Variants in NCK2 observed in about 807,000 individuals in gnomAD.
NCK2 encodes the protein cytoplasmic protein NCK2.
A neutral mutation model predicts 33.9 loss-of-function variants in NCK2; 16 were observed. The ratio of observed to expected loss-of-function variants is 0.47; its 90% CI spans 0.32 to 0.72. The LOEUF (loss-of-function observed/expected upper bound fraction) is 0.72, where lower values mean the gene tolerates loss of function less well. Among genes scored for constraint, NCK2 ranks in the 30% least tolerant of loss-of-function variants. The pLI is 0.03. For synonymous variants in NCK2, 273 were observed against 239.9 expected (o/e 1.14, Z -1.27); for missense variants, 418 against 537.3 (o/e 0.78, Z 2.19).
At chr2:105,812,590 G>A (rs1212562623) in intron 1 of NCK2, among the ~76,000 whole-genome samples, 2 of 152,184 alleles carry the variant, frequency 1.3e-5, no homozygotes, top group African/African-American at 4.8e-5. Flanking sequence ...AGGGAGGAGG[G>A]AAGGGTAAGA....
intron 1 of NCK2, among the ~76,000 whole-genome samples, chr2:105,789,121 C>T (rs1690783544): frequency 6.6e-6 from 1 of 152,176 alleles, no homozygotes; most frequent in Non-Finnish European, 1.5e-5. Context: ...GGGCCTGGGA[C>T]CCTCGGCTCC....
chr2:105,777,061 T>C (rs1243350066), intron 1 of NCK2, among the ~76,000 whole-genome samples: 1 of 151,820 alleles, frequency 6.6e-6, no homozygotes, highest in Non-Finnish European at 1.5e-5. Flanking sequence ...AAGGGCAAAA[T>C]GAGGCCTTGA....
intron 1 of NCK2, among the ~76,000 whole-genome samples, chr2:105,794,731 G>T (rs549858027): frequency 6.6e-6 from 1 of 151,600 alleles, no homozygotes; most frequent in Non-Finnish European, 1.5e-5. Flanking sequence ...TTATTTTTGA[G>T]ACGGAGTCTT....
intron 1 of NCK2, among the ~76,000 whole-genome samples, chr2:105,767,300 G>A (rs1162646829): frequency 1.3e-5 from 2 of 152,206 alleles, no homozygotes; most frequent in Non-Finnish European, 1.5e-5. Flanking sequence ...TTGGATGTCT[G>A]ATATGAGCTT....
intron 2 of NCK2, among the ~76,000 whole-genome samples, chr2:105,840,234 T>C (rs80346085): frequency 0.017 from 2,641 of 152,184 alleles, 40 homozygotes; most frequent in Non-Finnish European, 0.021. Context: ...GGAATAATTA[T>C]AGGAGCAGGT....
chr2:105,872,587 G>A (rs1678061139), intron 3 of NCK2, among the ~76,000 whole-genome samples: 2 of 152,176 alleles, frequency 1.3e-5, no homozygotes, highest in African/African-American at 4.8e-5. Context: ...AGGCTGGGTA[G>A]GTTCTTCACA....
chr2:105,759,890 G>A (rs964458264), intron 1 of NCK2, among the ~76,000 whole-genome samples: 14 of 152,018 alleles, frequency 9.2e-5, no homozygotes, highest in Non-Finnish European at 1.5e-4. Flanking sequence ...TAGAGTTACC[G>A]GTTTGGGGAG....
At chr2:105,835,405 A>ATATATATATATATATATATATATGTG (rs70953537) in intron 2 of NCK2, among the ~76,000 whole-genome samples, 2 of 37,972 alleles carry the variant, frequency 5.3e-5, no homozygotes, top group Non-Finnish European at 6.8e-5. Flanking sequence ...ATATATATAT[A>ATATATATATATATATATATATATGTG]CGTGTATATA....
chr2:105,817,412 A>C (rs567235934), intron 2 of NCK2, among the ~76,000 whole-genome samples: 9 of 152,318 alleles, frequency 5.9e-5, no homozygotes, highest in Admixed American at 2.0e-4. Flanking sequence ...TTAACTTAAA[A>C]TATGAATTGC....
chr2:105,751,494 C>T (rs542303263), intron 1 of NCK2, among the ~76,000 whole-genome samples: 48 of 152,318 alleles, frequency 3.2e-4, no homozygotes, highest in South Asian at 6.2e-4. Context: ...TGGGCTTGCA[C>T]GACTGGGCTG....
In NCK2 at chr2:105,879,678, A is replaced by G. The variant is rs147241788; in HGVS notation, c.227-1650A>G. ...ACATGCCTCCTGGCGCCGCGTGGGC[A>G]CATGTCCCAGGGTAGTGGCAGTGGG... is the stretch of plus-strand genomic sequence containing the variant. On this transcript the variant is annotated intron_variant, in intron 3 of 4. Transcript: ENST00000233154. 3.0e-3 allele frequency among the ~76,000 whole-genome samples: 456 copies of G among 152,350 alleles called. 1 individual carries two copies. The highest frequency in any genetic ancestry group is 9.9e-3 in the African/African-American group (412 of 41,588).
intron 1 of NCK2, among the ~76,000 whole-genome samples, chr2:105,794,836 G>A (rs779907949): frequency 1.3e-5 from 2 of 151,880 alleles, no homozygotes; most frequent in Admixed American, 6.6e-5. Context: ...TCAGCCTCCC[G>A]AATAGTTTAT....
intron 2 of NCK2, among the ~76,000 whole-genome samples, chr2:105,829,487 A>C (rs1339441266): frequency 6.6e-6 from 1 of 152,200 alleles, no homozygotes; most frequent in Non-Finnish European, 1.5e-5. Flanking sequence ...CCAGGATTCC[A>C]TCCAAGATGC....
At chr2:105,793,887 GT>G (rs1690981039) in intron 1 of NCK2, among the ~76,000 whole-genome samples, 1 of 152,284 alleles carries the variant, frequency 6.6e-6, no homozygotes, top group Admixed American at 6.5e-5. Context: ...GACCACTACT[GT>G]TTATGGGTTG....
At chr2:105,797,361 T>C (rs1259269321) in intron 1 of NCK2, among the ~76,000 whole-genome samples, 1 of 152,164 alleles carries the variant, frequency 6.6e-6, no homozygotes, top group Admixed American at 6.5e-5. Context: ...AACTCACAGT[T>C]CTAGGACCGG....
intron 3 of NCK2, among the ~76,000 whole-genome samples, chr2:105,860,071 G>A (rs762086724): frequency 1.3e-5 from 2 of 152,142 alleles, no homozygotes; most frequent in Non-Finnish European, 2.9e-5. Flanking sequence ...GATCAGTTGA[G>A]GCCACGAATT....
intron 1 of NCK2, among the ~76,000 whole-genome samples, chr2:105,812,582 G>A (rs760757698): frequency 7.2e-5 from 11 of 152,202 alleles, no homozygotes; most frequent in Non-Finnish European, 1.5e-4. Context: ...GGTCAGGGAG[G>A]GAGGAGGGAA....
At chr2:105,819,012 C>T (rs940616296) in intron 2 of NCK2, among the ~76,000 whole-genome samples, 4 of 152,116 alleles carry the variant, frequency 2.6e-5, no homozygotes, top group Non-Finnish European at 5.9e-5. Flanking sequence ...GTGTTCTCGT[C>T]GTGTTACGCT....
In NCK2 at chr2:105,822,943, C is replaced by T. The variant is rs1048304842; in HGVS notation, c.-17+6330C>T. ...ACACCTGAATGTTGGATTCCAGATA[C>T]TCTGTCCTTGTCCTTAAGAGGCCCT... On this transcript the variant is annotated intron_variant, in intron 2 of 4. Transcript: ENST00000233154. 2.6e-5 allele frequency among the ~76,000 whole-genome samples: 4 copies of T among 152,110 alleles called. No homozygotes were observed. In the East Asian group the frequency reaches 7.7e-4, roughly 29 times the overall value.
Sources: gnomAD v4.1 joint callset for allele counts (sites outside exome capture counted in the v4.1 genomes callset) on GRCh38, gnomAD v4.1.1 for gene constraint, MANE v1.5 for transcripts, NCBI Gene and HGNC (gene_info 2026-07-23, HGNC 2026-07-21) for gene names.